ADAMTSL3: variants seen among roughly 807,000 people sequenced by gnomAD.
ADAMTSL3 encodes the protein ADAMTS like 3.
Under a neutral mutation model 201.7 loss-of-function variants are expected in ADAMTSL3, and 128 were observed. That is an observed-to-expected ratio of 0.63 (90% CI 0.55 to 0.73). The LOEUF (loss-of-function observed/expected upper bound fraction) is 0.73, where lower values mean the gene tolerates loss of function less well. Ranked by LOEUF, ADAMTSL3 falls within the 30% of genes least tolerant of loss-of-function variation. The pLI, the probability that ADAMTSL3 is intolerant of heterozygous loss-of-function variation, is 0.00. For missense variants in ADAMTSL3, 1,990 were observed against 2,119.6 expected (o/e 0.94, Z 1.20); for synonymous variants, 738 against 748.4 (o/e 0.99, Z 0.23).
intron 2 of ADAMTSL3, among the ~76,000 whole-genome samples, chr15:83,689,602 A>G (rs1488037921): frequency 6.6e-6 from 1 of 152,246 alleles, no homozygotes; most frequent in Non-Finnish European, 1.5e-5. Context: ...GTGTATAAAT[A>G]CACCACGATT....
chr15:83,908,787 G>A lies in ADAMTSL3; in HGVS notation c.1701-4305G>A, dbSNP rs888786211. 5.3e-5 allele frequency among the ~76,000 whole-genome samples: 8 copies of A among 152,326 alleles called. No homozygotes were observed. In the East Asian group the frequency reaches 9.6e-4, roughly 18 times the overall value. On this transcript the variant is annotated intron_variant, in intron 15 of 29. Transcript: ENST00000286744. ...CTTAGCGGTGTAAAACAACACAAAT[G>A]TATTATCCCACAGTTGAGTGGGTCA...
intron 10 of ADAMTSL3, among the ~76,000 whole-genome samples, chr15:83,887,948 G>A (rs963131867): frequency 2.6e-5 from 4 of 152,098 alleles, no homozygotes; most frequent in Non-Finnish European, 5.9e-5. Flanking sequence ...GTCATTCAGA[G>A]AGACGTTCAC....
chr15:83,891,677 C>T (rs1331466744), intron 12 of ADAMTSL3, among the ~76,000 whole-genome samples: 1 of 152,060 alleles, frequency 6.6e-6, no homozygotes. Flanking sequence ...CCTTTTATAC[C>T]GAGATGAGTA....
chr15:84,023,701 C>A (rs947635352), intron 26 of ADAMTSL3, among the ~76,000 whole-genome samples: 1 of 152,118 alleles, frequency 6.6e-6, no homozygotes, highest in Admixed American at 6.5e-5. Flanking sequence ...TCTTGTTTCT[C>A]GAATATTCTA....
In ADAMTSL3 at chr15:84,036,930, T is replaced by C. The variant is rs1263192107; in HGVS notation, c.4912T>C (p.Cys1638Arg). ...TTGCAAACCTGTGGCCAAGAGACAC[T>C]GTGTACAGAAAAAGAAACCAATTTC... ...RSCKPVAKRHCVQKKKPISWR... is the reference protein window; with the variant it reads ...RSCKPVAKRHRVQKKKPISWR... The change falls in exon 29 of 30, where the codon TGT (cysteine) becomes CGT (arginine). Residue 1638 changes from cysteine to arginine, a missense_variant. Coordinates refer to ENST00000286744, the MANE Select transcript of ADAMTSL3 (RefSeq NM_207517.3). 2 of 1,613,972 alleles carry C rather than the reference T, an allele frequency of 1.2e-6. No homozygotes were observed. The highest frequency in any genetic ancestry group is 1.7e-5 in the Admixed American group (1 of 59,984).
At chr15:84,021,669 A>C in intron 26 of ADAMTSL3, 76 bp downstream of exon 26, 1 of 1,484,600 alleles carries the variant, frequency 6.7e-7, no homozygotes, top group East Asian at 2.3e-5. Flanking sequence ...ATTTGGACAT[A>C]ATAATTCAAT....
chr15:83,844,962 G>T (rs1178518364), intron 7 of ADAMTSL3, among the ~76,000 whole-genome samples: 1 of 152,150 alleles, frequency 6.6e-6, no homozygotes, highest in East Asian at 1.9e-4. Context: ...ATCATGTGCT[G>T]CCATCTGCTC....
chr15:83,661,925 A>G (rs991313673), intron 2 of ADAMTSL3, among the ~76,000 whole-genome samples: 16 of 147,098 alleles, frequency 1.1e-4, no homozygotes, highest in Middle Eastern at 3.4e-3. Context: ...AGGAAACAAC[A>G]TGTGCTGGAG....
intron 5 of ADAMTSL3, among the ~76,000 whole-genome samples, chr15:83,816,842 A>G (rs1458580085): frequency 6.6e-6 from 1 of 152,130 alleles, no homozygotes; most frequent in Non-Finnish European, 1.5e-5. Flanking sequence ...TGTCTCTACA[A>G]AAAATTAGCT....
At chr15:83,674,476 G>A (rs1324095516) in intron 2 of ADAMTSL3, among the ~76,000 whole-genome samples, 2 of 151,674 alleles carry the variant, frequency 1.3e-5, no homozygotes, top group South Asian at 2.1e-4. Context: ...ATTGATCTAT[G>A]TATCTATTTG....
intron 2 of ADAMTSL3, among the ~76,000 whole-genome samples, chr15:83,700,250 C>T (rs1482067447): frequency 6.6e-6 from 1 of 152,228 alleles, no homozygotes; most frequent in Non-Finnish European, 1.5e-5. Context: ...TGGCTGCTAA[C>T]AGGTTCCAGC....
intron 8 of ADAMTSL3, 111 bp from the exon 9 acceptor site, chr15:83,870,691 A>G (rs532942109): frequency 6.1e-4 from 537 of 880,782 alleles, no homozygotes; most frequent in African/African-American, 4.1e-3. Context: ...CTGAGTGGCT[A>G]TTTTGACATT....
intron 2 of ADAMTSL3, among the ~76,000 whole-genome samples, chr15:83,656,416 A>C (rs1334041655): frequency 6.6e-6 from 1 of 152,220 alleles, no homozygotes; most frequent in Non-Finnish European, 1.5e-5. Flanking sequence ...AGACAGTGGC[A>C]AAGTGCAGAA....
intron 2 of ADAMTSL3, among the ~76,000 whole-genome samples, chr15:83,667,517 G>GT (rs35255014): frequency 0.36 from 42,677 of 120,192 alleles, 7,600 homozygotes; most frequent in East Asian, 0.44. Context: ...AATTATGAAG[G>GT]TTTTTTTTTT....
intron 3 of ADAMTSL3, among the ~76,000 whole-genome samples, chr15:83,744,909 G>A (rs946446857): frequency 1.3e-5 from 2 of 152,154 alleles, no homozygotes; most frequent in Non-Finnish European, 2.9e-5. Flanking sequence ...GGAAACTCTG[G>A]GCATAAGAGG....
At position 83,916,949 on chromosome 15, in the gene ADAMTSL3, A is replaced by T. The variant is rs1171680370; in HGVS notation, c.1987+3571A>T. On this transcript the variant is annotated intron_variant, in intron 16 of 29. Transcript: ENST00000286744. ...TTGTTTTGGTTTGACTGTCCCAACCACACTGCTTATAGTCAGTGGTACTTG... is the reference window on the plus strand; with the variant it reads ...TTGTTTTGGTTTGACTGTCCCAACCTCACTGCTTATAGTCAGTGGTACTTG... Among the ~76,000 whole-genome samples the T allele has an allele frequency of 2.0e-5, 3 of 152,182 alleles. No individual in the cohort carries two copies. The East Asian group carries it at 5.8e-4, about 29-fold the overall frequency.
intron 23 of ADAMTSL3, 55 bp from the exon 24 acceptor site, chr15:84,014,487 C>A: frequency 6.6e-7 from 1 of 1,513,386 alleles, no homozygotes; most frequent in Non-Finnish European, 9.1e-7. Context: ...TCAAGTGGTT[C>A]TGTGGCCCTG....
chr15:83,772,706 CT>C (rs796676516), intron 3 of ADAMTSL3, among the ~76,000 whole-genome samples: 46 of 142,388 alleles, frequency 3.2e-4, no homozygotes, highest in Non-Finnish European at 3.5e-4. Flanking sequence ...ATGAGCACTT[CT>C]TTTTTTTTTT....
chr15:83,678,744 A>G (rs1421971491), intron 2 of ADAMTSL3, among the ~76,000 whole-genome samples: 1 of 144,378 alleles, frequency 6.9e-6, no homozygotes, highest in Non-Finnish European at 1.5e-5. Context: ...TGCCTAATAT[A>G]TATATTATAT....
Sources: gnomAD v4.1 joint callset for allele counts (sites outside exome capture counted in the v4.1 genomes callset) on GRCh38, gnomAD v4.1.1 for gene constraint, MANE v1.5 for transcripts, NCBI Gene and HGNC (gene_info 2026-07-23, HGNC 2026-07-21) for gene names.